Variants in GNAQ observed in about 807,000 individuals in gnomAD.
GNAQ encodes G protein subunit alpha q, also known as guanine nucleotide-binding protein G(q) subunit alpha.
A neutral mutation model predicts 43.9 loss-of-function variants in GNAQ; 8 were observed. The ratio of observed to expected loss-of-function variants is 0.18; its 90% CI spans 0.11 to 0.33. The LOEUF is 0.33. Among genes scored for constraint, GNAQ ranks in the 10% least tolerant of loss-of-function variants. The pLI, the probability that GNAQ is intolerant of heterozygous loss-of-function variation, is 1.00. For synonymous variants in GNAQ, 155 were observed against 170.7 expected (o/e 0.91, Z 0.71); for missense variants, 158 against 450.8 (o/e 0.35, Z 5.88).
intron 2 of GNAQ, among the ~76,000 whole-genome samples, chr9:77,828,570 A>T (rs1404004785): frequency 6.6e-6 from 1 of 152,238 alleles, no homozygotes; most frequent in Non-Finnish European, 1.5e-5. Context: ...TGTTTTGTAC[A>T]TAAAGAATTT....
At chr9:77,920,397 G>A (rs982444533) in intron 2 of GNAQ, among the ~76,000 whole-genome samples, 1 of 152,054 alleles carries the variant, frequency 6.6e-6, no homozygotes, top group African/African-American at 2.4e-5. Flanking sequence ...AGTGTGGTGT[G>A]TATATATAAA....
chr9:77,744,263 G>T (rs1173140264), intron 5 of GNAQ, among the ~76,000 whole-genome samples: 1 of 152,132 alleles, frequency 6.6e-6, no homozygotes, highest in Non-Finnish European at 1.5e-5. Context: ...CACTACATGA[G>T]GCATCCAGGA....
chr9:77,922,637 A>G (rs1261383894), intron 1 of GNAQ, among the ~76,000 whole-genome samples: 1 of 152,196 alleles, frequency 6.6e-6, no homozygotes, highest in Non-Finnish European at 1.5e-5. Context: ...GTATCTTGCA[A>G]GAAACAATGG....
At chr9:77,768,044 G>A (rs892284645) in intron 5 of GNAQ, among the ~76,000 whole-genome samples, 1 of 152,176 alleles carries the variant, frequency 6.6e-6, no homozygotes, top group Non-Finnish European at 1.5e-5. Flanking sequence ...CAGGGACTGT[G>A]CTAAATATTT....
chr9:77,939,930 T>C (rs757200339), intron 1 of GNAQ, among the ~76,000 whole-genome samples: 1 of 152,208 alleles, frequency 6.6e-6, no homozygotes, highest in Non-Finnish European at 1.5e-5. Flanking sequence ...CTCACAGTTA[T>C]GTACTCGCTG....
rs575447157 is a variant in GNAQ, at chr9:77,946,924, C to G, written c.137-24579G>C. On this transcript the variant is annotated intron_variant, in intron 1 of 6. Transcript: ENST00000286548. ...AGAGCCCTTAGCAATACAGGTAGAGCCTGACTGCCACAAAATAAATTCTGT... is the reference window on the plus strand; with the variant it reads ...AGAGCCCTTAGCAATACAGGTAGAGGCTGACTGCCACAAAATAAATTCTGT... 2.6e-5 allele frequency among the ~76,000 whole-genome samples: 4 copies of G among 152,346 alleles called. No homozygotes were observed. The South Asian group carries it at 8.3e-4, about 32-fold the overall frequency.
rs572424185 is a variant in GNAQ, at chr9:77,846,082, C to T, written c.322-30312G>A. 1.6e-4 allele frequency among the ~76,000 whole-genome samples: 24 copies of T among 152,282 alleles called. 1 individual carries two copies. The South Asian group carries it at 4.8e-3, about 30-fold the overall frequency. On this transcript the variant is annotated intron_variant, in intron 2 of 6. Coordinates refer to ENST00000286548, the MANE Select transcript of GNAQ (RefSeq NM_002072.5). ...GACCTGAAGATGGTCACAAACCAGC[C>T]GTCTGTGGGCAAAACACAGTTCACA... is the stretch of plus-strand genomic sequence containing the variant.
intron 5 of GNAQ, among the ~76,000 whole-genome samples, chr9:77,732,586 G>A (rs1048708374): frequency 6.6e-6 from 1 of 152,152 alleles, no homozygotes; most frequent in East Asian, 1.9e-4. Context: ...GGCTGGTAAT[G>A]AACTCCTGAC....
At chr9:77,818,908 C>G (rs1484690490) in intron 2 of GNAQ, among the ~76,000 whole-genome samples, 1 of 141,834 alleles carries the variant, frequency 7.1e-6, no homozygotes, top group Non-Finnish European at 1.5e-5. Flanking sequence ...GCTAAGGCAG[C>G]AGGATCACTT....
rs745987991 is a variant in GNAQ, at chr9:77,717,126, C to T, written c.*4197G>A. 10 of 232,242 alleles carry T rather than the reference C, an allele frequency of 4.3e-5. No homozygotes were observed. Among genetic ancestry groups the T allele is most frequent in the African/African-American group, 8.8e-5 (4 of 45,278 alleles). 14.4% of individuals were successfully genotyped at this position (232,242 alleles called of 1,614,324 possible). On this transcript the variant is annotated 3_prime_UTR_variant, in exon 7 of 7. Coordinates refer to ENST00000286548, the MANE Select transcript of GNAQ (RefSeq NM_002072.5). ...ACAGTTACCAGGACAGATCTATTAA[C>T]GCTACATATGCTGGAAATATGTAGA...
chr9:77,933,437 G>A (rs1267799998), intron 1 of GNAQ, among the ~76,000 whole-genome samples: 2 of 152,090 alleles, frequency 1.3e-5, no homozygotes, highest in African/African-American at 2.4e-5. Context: ...AGGTCAAGGT[G>A]GGTGAATTGC....
chr9:77,920,241 C>T (rs535799923), intron 2 of GNAQ, among the ~76,000 whole-genome samples: 3 of 152,226 alleles, frequency 2.0e-5, no homozygotes, highest in African/African-American at 4.8e-5. Flanking sequence ...TTAACATCTA[C>T]ATGACTGTAT....
intron 1 of GNAQ, among the ~76,000 whole-genome samples, chr9:77,965,498 C>CA (rs556635647): frequency 6.0e-5 from 9 of 150,968 alleles, no homozygotes; most frequent in African/African-American, 1.5e-4. Flanking sequence ...TATTAATACA[C>CA]AAAAAAAATA....
chr9:77,803,552 C>T (rs1007170391), intron 3 of GNAQ, among the ~76,000 whole-genome samples: 1 of 152,156 alleles, frequency 6.6e-6, no homozygotes, highest in Non-Finnish European at 1.5e-5. Context: ...CCTTTCTGAC[C>T]ATAAGCAAAA....
At chr9:78,003,746 G>T (rs1823672056) in intron 1 of GNAQ, among the ~76,000 whole-genome samples, 1 of 151,512 alleles carries the variant, frequency 6.6e-6, no homozygotes, top group East Asian at 1.9e-4. Context: ...AACCGGGGAG[G>T]CAGAGGTTGC....
intron 2 of GNAQ, among the ~76,000 whole-genome samples, chr9:77,873,660 G>A (rs1564137173): frequency 1.3e-5 from 2 of 152,194 alleles, no homozygotes; most frequent in Non-Finnish European, 2.9e-5. Flanking sequence ...GACAGCAAAA[G>A]TTGGCCACAA....
chr9:77,835,364 G>A (rs781145866), intron 2 of GNAQ, among the ~76,000 whole-genome samples: 8 of 151,750 alleles, frequency 5.3e-5, no homozygotes, highest in Non-Finnish European at 1.2e-4. Context: ...AAAAAATAAT[G>A]ACCTTATATT....
chr9:77,927,542 C>T (rs909941241), intron 1 of GNAQ, among the ~76,000 whole-genome samples: 1 of 151,726 alleles, frequency 6.6e-6, no homozygotes, highest in Non-Finnish European at 1.5e-5. Flanking sequence ...CCAGGAACTT[C>T]AAGGGTCTAC....
chr9:77,905,457 C>G (rs1828690373), intron 2 of GNAQ, among the ~76,000 whole-genome samples: 1 of 152,084 alleles, frequency 6.6e-6, no homozygotes, highest in Non-Finnish European at 1.5e-5. Context: ...CTTATCACTG[C>G]TTCAGGCTTA....
Sources: allele counts gnomAD v4.1 joint callset (sites outside exome capture counted in the v4.1 genomes callset), GRCh38; gene constraint gnomAD v4.1.1; transcripts MANE v1.5; gene names NCBI Gene and HGNC (gene_info 2026-07-23, HGNC 2026-07-21).